The following PLCXD3 variants were observed in gnomAD, a reference collection of about 807,000 sequenced individuals.
PLCXD3 encodes the protein PI-PLC X domain-containing protein 3.
In PLCXD3, 19 loss-of-function variants were observed where a neutral mutation model predicts 25.5. That is an observed-to-expected ratio of 0.75 (90% CI 0.52 to 1.09). PLCXD3 has a LOEUF of 1.09. Among genes scored for constraint, PLCXD3 ranks in the 50% least tolerant of loss-of-function variants. PLCXD3 has a pLI of 0.00. For synonymous variants in PLCXD3, 174 were observed against 137.6 expected, an observed-to-expected ratio of 1.26 and a Z score of -1.85; for missense variants, 411 against 388.1, an observed-to-expected ratio of 1.06 and a Z score of -0.50.
chr5:41,353,362 A>G (rs1744528977), intron 2 of PLCXD3, among the ~76,000 whole-genome samples: 1 of 151,736 alleles, frequency 6.6e-6, no homozygotes, highest in Non-Finnish European at 1.5e-5. Flanking sequence ...CGGCCTCCCA[A>G]CGTGCTGGGA....
chr5:41,403,262 G>T (rs1171097587), intron 1 of PLCXD3, among the ~76,000 whole-genome samples: 1 of 147,052 alleles, frequency 6.8e-6, no homozygotes, highest in African/African-American at 2.5e-5. Context: ...CTAAAAACAA[G>T]ATTAGAAAAG....
At chr5:41,372,645 G>A (rs1173018887) in intron 2 of PLCXD3, among the ~76,000 whole-genome samples, 1 of 151,984 alleles carries the variant, frequency 6.6e-6, no homozygotes, top group Non-Finnish European at 1.5e-5. Flanking sequence ...CTGTAAGCTG[G>A]TACAGAATCT....
intron 1 of PLCXD3, among the ~76,000 whole-genome samples, chr5:41,487,077 T>C (rs865966567): frequency 2.6e-5 from 4 of 152,204 alleles, no homozygotes; most frequent in Non-Finnish European, 5.9e-5. Flanking sequence ...CTAAAATTTC[T>C]TCAAAGCCTT....
chr5:41,387,555 A>C (rs993410770), intron 1 of PLCXD3, among the ~76,000 whole-genome samples: 1 of 152,108 alleles, frequency 6.6e-6, no homozygotes, highest in Non-Finnish European at 1.5e-5. Flanking sequence ...GTGTAAAGGG[A>C]TATGAATGAC....
intron 1 of PLCXD3, among the ~76,000 whole-genome samples, chr5:41,429,231 A>C (rs1232188280): frequency 6.6e-6 from 1 of 152,084 alleles, no homozygotes; most frequent in African/African-American, 2.4e-5. Context: ...GTTTCATTCC[A>C]ATGTTTGCTT....
At chr5:41,478,907 A>C (rs536131000) in intron 1 of PLCXD3, among the ~76,000 whole-genome samples, 1 of 152,318 alleles carries the variant, frequency 6.6e-6, no homozygotes, top group South Asian at 2.1e-4. Flanking sequence ...TAAAGGGCAA[A>C]GTGCTACACA....
At chr5:41,327,840 C>T (rs573135906) in intron 2 of PLCXD3, among the ~76,000 whole-genome samples, 1 of 152,270 alleles carries the variant, frequency 6.6e-6, no homozygotes, top group East Asian at 1.9e-4. Flanking sequence ...GTGTCTCACT[C>T]TATCACCCAT....
chr5:41,312,673 T>C lies in PLCXD3; in HGVS notation c.*944A>G, dbSNP rs1256457546. On this transcript the variant is annotated 3_prime_UTR_variant, in exon 3 of 3. Transcript: ENST00000377801. Reference sequence around the variant, plus strand: ...CTTCTTCCCTCCCTTCCTCCCTCCCTTCCTTTCTTCCTTTCCTTCCTTCCT... The same window carrying C: ...CTTCTTCCCTCCCTTCCTCCCTCCCCTCCTTTCTTCCTTTCCTTCCTTCCT... 1.7e-5 allele frequency: 2 copies of C among 118,660 alleles called. No homozygotes were observed. The highest frequency in any genetic ancestry group is 6.3e-5 in the African/African-American group (2 of 31,564). The allele number at this position is 118,660 out of a possible 1,614,324, so 7.4% of individuals were successfully genotyped here.
chr5:41,390,709 C>T (rs185853388), intron 1 of PLCXD3, among the ~76,000 whole-genome samples: 1 of 151,810 alleles, frequency 6.6e-6, no homozygotes, highest in South Asian at 2.1e-4. Context: ...TAGTTAATAA[C>T]TATCTACACA....
chr5:41,501,841 A>T (rs539806351), intron 1 of PLCXD3, among the ~76,000 whole-genome samples: 1 of 152,258 alleles, frequency 6.6e-6, no homozygotes, highest in African/African-American at 2.4e-5. Context: ...CTTTGGCAAA[A>T]TACAGATCAT....
At chr5:41,373,277 A>G (rs552821133) in intron 2 of PLCXD3, among the ~76,000 whole-genome samples, 41 of 152,296 alleles carry the variant, frequency 2.7e-4, no homozygotes, top group African/African-American at 9.4e-4. Context: ...GTCAGTTTAC[A>G]GAGGCTACAC....
intron 2 of PLCXD3, among the ~76,000 whole-genome samples, chr5:41,377,604 T>C (rs1241990821): frequency 6.6e-6 from 1 of 152,044 alleles, no homozygotes; most frequent in African/African-American, 2.4e-5. Context: ...AATAGGTCTT[T>C]AAGAAATAAA....
At chr5:41,430,063 C>T (rs1747059778) in intron 1 of PLCXD3, among the ~76,000 whole-genome samples, 1 of 152,096 alleles carries the variant, frequency 6.6e-6, no homozygotes, top group Non-Finnish European at 1.5e-5. Flanking sequence ...AGTTTGAACC[C>T]TACTTTGCTG....
At chr5:41,397,133 C>T (rs947224378) in intron 1 of PLCXD3, among the ~76,000 whole-genome samples, 7 of 152,148 alleles carry the variant, frequency 4.6e-5, no homozygotes, top group South Asian at 2.1e-4. Flanking sequence ...TGCTAATAGC[C>T]AAGGCAATGG....
intron 2 of PLCXD3, among the ~76,000 whole-genome samples, chr5:41,330,780 G>A (rs1202051986): frequency 1.2e-4 from 18 of 152,102 alleles, no homozygotes; most frequent in Non-Finnish European, 2.9e-5. Context: ...GGGATGCAAG[G>A]CTGGTTCAAT....
In PLCXD3 at chr5:41,313,656, C is replaced by G. The variant is rs758384574; in HGVS notation, c.927G>C (p.Lys309Asn). 1 of 1,613,858 alleles carries G rather than the reference C, an allele frequency of 6.2e-7. No individual in the cohort carries two copies. The highest frequency in any genetic ancestry group is 1.7e-5 in the Admixed American group (1 of 59,986). Residue 309 changes from lysine (K) to asparagine (N), a missense_variant, in exon 3 of 3, where the codon AAG becomes AAC. Transcript: ENST00000377801. ...CTCCTTCATCAAAGACATAGTTGAG[C>G]TTTATGACAGTGCTGATAAAGTCAC... The part of the protein sequence containing the change: ...ELGDFISTVI[K>N]LNYVFDEGEA...
intron 2 of PLCXD3, among the ~76,000 whole-genome samples, chr5:41,369,066 A>G (rs964853993): frequency 7.2e-5 from 11 of 152,184 alleles, no homozygotes; most frequent in Non-Finnish European, 1.5e-5. Context: ...ATATGTATAC[A>G]GTGGCAATAA....
At chr5:41,362,672 A>G (rs367779131) in intron 2 of PLCXD3, among the ~76,000 whole-genome samples, 1 of 152,208 alleles carries the variant, frequency 6.6e-6, no homozygotes, top group Non-Finnish European at 1.5e-5. Context: ...TTAAATTACA[A>G]AAGATTTATG....
chr5:41,478,903 G>A (rs1222246211), intron 1 of PLCXD3, among the ~76,000 whole-genome samples: 1 of 152,110 alleles, frequency 6.6e-6, no homozygotes, highest in Non-Finnish European at 1.5e-5. Context: ...GGAATAAAGG[G>A]CAAAGTGCTA....
Sources: allele counts gnomAD v4.1 joint callset (sites outside exome capture counted in the v4.1 genomes callset), GRCh38; gene constraint gnomAD v4.1.1; transcripts MANE v1.5; gene names NCBI Gene and HGNC (gene_info 2026-07-23, HGNC 2026-07-21).